Variants in ASB3 observed in about 807,000 individuals in gnomAD.
ASB3 encodes ankyrin repeat and SOCS box protein 3.
Under a neutral mutation model 54.5 loss-of-function variants are expected in ASB3, and 41 were observed. The observed-to-expected ratio is 0.75, with a 90% CI of 0.59 to 0.98. ASB3 has a LOEUF of 0.98. Ranked by LOEUF, ASB3 falls within the 50% of genes least tolerant of loss-of-function variation. ASB3 has a pLI of 0.00. For missense variants in ASB3, 733 were observed against 620.0 expected (o/e 1.18, Z -1.94); for synonymous variants, 266 against 221.2 (o/e 1.20, Z -1.80).
rs187943369 is a variant in ASB3 at position 53,711,997 on chromosome 2, T to G, written c.980+2387A>C. 2.1e-3 allele frequency among the ~76,000 whole-genome samples: 315 copies of G among 152,218 alleles called. 1 individual carries two copies. Among genetic ancestry groups the G allele is most frequent in the Non-Finnish European group, 3.0e-3 (202 of 68,020 alleles). On this transcript the variant is annotated intron_variant, in intron 7 of 9. Transcript: ENST00000263634. ...AGAACTTCTTAGCATCACTGAAGTT[T>G]ACACAGAAAAAAATTCTACAGAGTA...
chr2:53,728,553 C>G (rs530283343), intron 5 of ASB3, among the ~76,000 whole-genome samples, 159 bp downstream of exon 5: 9 of 152,246 alleles, frequency 5.9e-5, no homozygotes, highest in African/African-American at 1.9e-4. Context: ...TACTTAATAA[C>G]CAGGTTTATA....
intron 2 of ASB3, among the ~76,000 whole-genome samples, chr2:53,751,179 C>G (rs979964989): frequency 2.0e-5 from 3 of 152,128 alleles, no homozygotes; most frequent in African/African-American, 7.2e-5. Context: ...ATTTTCTCTT[C>G]TCTAATTTTT....
chr2:53,718,086 G>A (rs1440100988), intron 5 of ASB3, among the ~76,000 whole-genome samples: 1 of 152,144 alleles, frequency 6.6e-6, no homozygotes, highest in South Asian at 2.1e-4. Flanking sequence ...GAGAGAGAAG[G>A]AGAAAAAGTA....
chr2:53,761,956 C>G (rs1452843931), intron 2 of ASB3, among the ~76,000 whole-genome samples: 4 of 152,186 alleles, frequency 2.6e-5, no homozygotes, highest in Non-Finnish European at 5.9e-5. Context: ...ACATAAATTA[C>G]ATTACATCTC....
chr2:53,721,836 T>C, intron 5 of ASB3, among the ~76,000 whole-genome samples: 1 of 151,554 alleles, frequency 6.6e-6, no homozygotes, highest in Non-Finnish European at 1.5e-5. Context: ...AAAAAAATAA[T>C]TAAAATCAGA....
At chr2:53,758,745 C>A (rs183260436) in intron 2 of ASB3, among the ~76,000 whole-genome samples, 1 of 152,254 alleles carries the variant, frequency 6.6e-6, no homozygotes, top group Non-Finnish European at 1.5e-5. Flanking sequence ...AGCACTAGGA[C>A]CACAGAGGAC....
chr2:53,766,188 T>C (rs1673441172), intron 1 of ASB3, among the ~76,000 whole-genome samples: 1 of 152,228 alleles, frequency 6.6e-6, no homozygotes, highest in Non-Finnish European at 1.5e-5. Flanking sequence ...TGACTGAGCA[T>C]ACTGAAACCA....
At chr2:53,759,170 G>T (rs1225334653) in intron 2 of ASB3, among the ~76,000 whole-genome samples, 1 of 152,218 alleles carries the variant, frequency 6.6e-6, no homozygotes, top group Admixed American at 6.5e-5. Context: ...CCACAGGCCA[G>T]GAGGCAGTTC....
chr2:53,775,761 C>T (rs1162897005), intron 1 of ASB3, among the ~76,000 whole-genome samples: 3 of 152,238 alleles, frequency 2.0e-5, no homozygotes, highest in Non-Finnish European at 4.4e-5. Context: ...CAGGTGTGAG[C>T]CACCATGCCC....
intron 1 of ASB3, among the ~76,000 whole-genome samples, chr2:53,769,416 G>A (rs963580051): frequency 1.1e-4 from 17 of 152,176 alleles, no homozygotes; most frequent in Non-Finnish European, 2.5e-4. Flanking sequence ...TATGTATGTG[G>A]CTATAACAAC....
At chr2:53,693,823 C>A in intron 9 of ASB3, 61 bp downstream of exon 9, 1 of 1,570,928 alleles carries the variant, frequency 6.4e-7, no homozygotes, top group South Asian at 1.2e-5. Flanking sequence ...AATTACAACA[C>A]AGCTAGAGAA....
intron 3 of ASB3, among the ~76,000 whole-genome samples, chr2:53,730,565 T>G (rs1671248914): frequency 6.6e-6 from 1 of 152,290 alleles, no homozygotes; most frequent in Admixed American, 6.5e-5. Flanking sequence ...ATATACCCAG[T>G]AACGGGATTG....
intron 1 of ASB3, among the ~76,000 whole-genome samples, chr2:53,779,894 G>A (rs963475205): frequency 1.1e-4 from 16 of 152,200 alleles, no homozygotes; most frequent in South Asian, 2.1e-4. Flanking sequence ...AATTGATTTC[G>A]TCTAAAGTTT....
intron 9 of ASB3, among the ~76,000 whole-genome samples, chr2:53,688,872 G>A (rs903905358): frequency 6.6e-6 from 1 of 151,810 alleles, no homozygotes; most frequent in Non-Finnish European, 1.5e-5. Flanking sequence ...ACCAGAGCAC[G>A]TGTATACCTA....
rs932456045 is a variant in ASB3, at chr2:53,748,522, T to C, written c.355+2261A>G. On this transcript the variant is annotated intron_variant, in intron 3 of 9. Coordinates refer to ENST00000263634, the MANE Select transcript of ASB3 (RefSeq NM_016115.5). Reference sequence around the variant, plus strand: ...TAAAATACTTTTCGCATATTCAAAGTACTTTCATAAATTAACATTACTAGT... The same window carrying C: ...TAAAATACTTTTCGCATATTCAAAGCACTTTCATAAATTAACATTACTAGT... Among the ~76,000 whole-genome samples the C allele has an allele frequency of 2.6e-5, 4 of 152,202 alleles. No individual in the cohort carries two copies. In the East Asian group the frequency reaches 7.7e-4, roughly 29 times the overall value.
intron 1 of ASB3, chr2:53,767,783 C>A: frequency 6.9e-7 from 1 of 1,455,072 alleles, no homozygotes; most frequent in East Asian, 2.5e-5. Flanking sequence ...GCCATCGCGC[C>A]TGCGCCCCGC....
rs775318495 is a variant in ASB3 at position 53,765,512 on chromosome 2, C to T, written c.61G>A (p.Gly21Ser). The change falls in exon 2 of 10, where the codon GGC (glycine) becomes AGC (serine). Residue 21 changes from glycine to serine, a missense_variant. Gly to Ser is a moderately conservative substitution (Grantham distance 56, BLOSUM62 0). Transcript: ENST00000263634. ...CSTVGLAARE[G>S]NVKVLRKLLK... Reference sequence around the variant, plus strand: ...AGTTTCCTTAAGACTTTAACATTGCCTTCCCTGGCAGCAAGTCCAACTGTA... The same window carrying T: ...AGTTTCCTTAAGACTTTAACATTGCTTTCCCTGGCAGCAAGTCCAACTGTA... 3.7e-6 allele frequency: 6 copies of T among 1,614,216 alleles called. No individual in the cohort carries two copies. The highest frequency in any genetic ancestry group is 2.2e-5 in the East Asian group (1 of 44,888).
chr2:53,711,147 A>G lies in ASB3; in HGVS notation c.980+3237T>C, dbSNP rs559958083. On this transcript the variant is annotated intron_variant, in intron 7 of 9. Transcript: ENST00000263634. ...CCTGTCTCAAAAACAAAACAAAATA[A>G]AAAACAATTTGGGTCTATCTTGTGC... Among the ~76,000 whole-genome samples, 3 of 152,228 alleles carry G rather than the reference A, an allele frequency of 2.0e-5. No homozygotes were observed. The East Asian group carries it at 5.8e-4, about 29-fold the overall frequency.
chr2:53,700,657 C>T (rs1669438050), intron 7 of ASB3, 129 bp from the exon 8 acceptor site: 11 of 1,295,956 alleles, frequency 8.5e-6, no homozygotes, highest in Non-Finnish European at 1.0e-5. Context: ...ATGGTTTCTA[C>T]ACATCTAGTG....
Sources: allele counts gnomAD v4.1 joint callset (sites outside exome capture counted in the v4.1 genomes callset), GRCh38; gene constraint gnomAD v4.1.1; transcripts MANE v1.5; gene names NCBI Gene and HGNC (gene_info 2026-07-23, HGNC 2026-07-21).